Variants in MED12L observed in about 807,000 individuals in gnomAD.
MED12L encodes the protein mediator complex subunit 12L.
A neutral mutation model predicts 281.3 loss-of-function variants in MED12L; 60 were observed. The observed-to-expected ratio is 0.21, with a 90% CI of 0.17 to 0.26. MED12L has a LOEUF of 0.26. MED12L is among the 10% of genes least tolerant of loss of function. The pLI is 1.00. For missense variants in MED12L, 2,146 were observed against 2,680.9 expected (o/e 0.80, Z 4.41); for synonymous variants, 974 against 987.2 (o/e 0.99, Z 0.25).
Position 151,350,166 on chromosome 3 carries a change from C to A in MED12L, c.2358C>A (p.Ile786=), listed in dbSNP as rs569897717. The A allele has an allele frequency of 3.6e-5, 58 of 1,613,596 alleles. No homozygotes were observed. In the South Asian group the frequency reaches 6.2e-4, roughly 17 times the overall value. ...AGCTGAAGAAGATTACCAAAGATAT[C>A]CTGAAAATTCTAAATAAGAAGAGCA... ...RHQLKKITKD[I]LKILNKKSTT... is the part of the protein sequence containing the mutation. Residue 786 remains isoleucine (I), a synonymous_variant, in exon 17 of 45, where the codon ATC becomes ATA. Coordinates refer to ENST00000687756, the MANE Select transcript of MED12L (RefSeq NM_001393769.1).
chr3:151,418,713 T>A (rs558474046), intron 43 of MED12L, among the ~76,000 whole-genome samples: 1 of 152,326 alleles, frequency 6.6e-6, no homozygotes, highest in African/African-American at 2.4e-5. Context: ...TTATTTTCCC[T>A]TTGCAATTAA....
chr3:151,116,481 G>A (rs746851844), intron 3 of MED12L, 39 bp downstream of exon 3: 5 of 1,268,358 alleles, frequency 3.9e-6, no homozygotes, highest in South Asian at 2.5e-5. Context: ...TCCTGAAAAA[G>A]TGTGTATATG....
At chr3:151,323,836 G>T (rs1415445671) in intron 16 of MED12L, among the ~76,000 whole-genome samples, 1 of 152,232 alleles carries the variant, frequency 6.6e-6, no homozygotes, top group African/African-American at 2.4e-5. Flanking sequence ...CTATTGGGGA[G>T]TTTACTCCCC....
chr3:151,195,853 A>G (rs1416961219), intron 16 of MED12L, among the ~76,000 whole-genome samples: 1 of 152,248 alleles, frequency 6.6e-6, no homozygotes, highest in Non-Finnish European at 1.5e-5. Flanking sequence ...CTATTTTGCA[A>G]CTTCTCTGTA....
intron 16 of MED12L, among the ~76,000 whole-genome samples, chr3:151,300,530 G>A (rs1387646261): frequency 6.6e-6 from 1 of 152,154 alleles, no homozygotes; most frequent in African/African-American, 2.4e-5. Context: ...AGCTGGGTCT[G>A]TTCCCTGTTC....
At chr3:151,238,771 C>A (rs1011264332) in intron 16 of MED12L, among the ~76,000 whole-genome samples, 1 of 152,106 alleles carries the variant, frequency 6.6e-6, no homozygotes, top group Non-Finnish European at 1.5e-5. Flanking sequence ...ATAAAAATAT[C>A]TTTTTAATAT....
At chr3:151,375,420 T>C (rs1189324423) in intron 27 of MED12L, among the ~76,000 whole-genome samples, 2 of 152,158 alleles carry the variant, frequency 1.3e-5, no homozygotes, top group African/African-American at 2.4e-5. Context: ...TTTAAATTGG[T>C]AGAAACTCTT....
intron 38 of MED12L, among the ~76,000 whole-genome samples, chr3:151,392,145 C>T (rs1714315883): frequency 6.6e-6 from 1 of 152,008 alleles, no homozygotes; most frequent in Admixed American, 6.5e-5. Context: ...AACTGAGGAA[C>T]TTTAGGTGTG....
In MED12L at chr3:151,436,601, A is replaced by ATTCAT; in HGVS notation, c.*3800_*3804dup. On this transcript the variant is annotated 3_prime_UTR_variant, in exon 45 of 45. Transcript: ENST00000687756. ...AATTTAATACTGTAAATGTATTCAA[A>ATTCAT]TTCATTTACATGCCTATGGCTGCCT... The ATTCAT allele has an allele frequency of 1.1e-6, 1 of 891,394 alleles. No individual in the cohort carries two copies. Among genetic ancestry groups the ATTCAT allele is most frequent in the Non-Finnish European group, 1.7e-6 (1 of 572,906 alleles). 55.2% of individuals were successfully genotyped at this position (891,394 alleles called of 1,614,324 possible).
chr3:151,328,713 C>A (rs1749988571), intron 16 of MED12L: 2 of 1,613,868 alleles, frequency 1.2e-6, no homozygotes, highest in Admixed American at 1.7e-5. Flanking sequence ...AAACGACACA[C>A]AAAAGCTCTG....
chr3:151,120,083 G>C (rs1713517376), intron 3 of MED12L, among the ~76,000 whole-genome samples: 1 of 151,296 alleles, frequency 6.6e-6, no homozygotes, highest in African/African-American at 2.4e-5. Context: ...AAATTAGCTG[G>C]GTGTGGTGGT....
At chr3:151,254,054 G>GT (rs1233266312) in intron 16 of MED12L, among the ~76,000 whole-genome samples, 1 of 122,096 alleles carries the variant, frequency 8.2e-6, no homozygotes, top group Non-Finnish European at 1.7e-5. Flanking sequence ...ATGCATTTGT[G>GT]TACTTTAAGA....
intron 16 of MED12L, among the ~76,000 whole-genome samples, chr3:151,339,159 A>G (rs1751453520): frequency 6.6e-6 from 1 of 152,086 alleles, no homozygotes; most frequent in African/African-American, 2.4e-5. Flanking sequence ...GCTCACTCAT[A>G]TTTATATGCA....
At chr3:151,343,874 T>C (rs918940371) in intron 16 of MED12L, among the ~76,000 whole-genome samples, 1 of 152,196 alleles carries the variant, frequency 6.6e-6, no homozygotes, top group African/African-American at 2.4e-5. Context: ...GATAGAGATA[T>C]AATTATGACA....
intron 16 of MED12L, among the ~76,000 whole-genome samples, chr3:151,230,464 A>G (rs992170207): frequency 6.6e-5 from 10 of 152,184 alleles, no homozygotes; most frequent in African/African-American, 2.4e-4. Flanking sequence ...ATGTAAAAAA[A>G]TTCTGATAAA....
chr3:151,420,826 G>A (rs561250374), intron 43 of MED12L, among the ~76,000 whole-genome samples: 32 of 152,310 alleles, frequency 2.1e-4, no homozygotes, highest in African/African-American at 6.5e-4. Context: ...TGGTGGATAA[G>A]GCATTCTGTG....
intron 4 of MED12L, among the ~76,000 whole-genome samples, chr3:151,127,360 G>A (rs1431617695): frequency 2.0e-5 from 3 of 152,076 alleles, no homozygotes; most frequent in Non-Finnish European, 4.4e-5. Context: ...TTACTCTTAT[G>A]AAATTTTAAT....
At chr3:151,346,202 G>A (rs945954324) in intron 16 of MED12L, among the ~76,000 whole-genome samples, 47 of 152,082 alleles carry the variant, frequency 3.1e-4, no homozygotes, top group African/African-American at 1.1e-3. Flanking sequence ...TGGTCAAGTA[G>A]AAAGATGTTC....
At chr3:151,262,351 C>G (rs1739066955) in intron 16 of MED12L, among the ~76,000 whole-genome samples, 5 of 152,118 alleles carry the variant, frequency 3.3e-5, no homozygotes, top group Non-Finnish European at 7.3e-5. Flanking sequence ...TGTGGTTTGC[C>G]CCCAACTTTT....
Sources: gnomAD v4.1 joint callset for allele counts (sites outside exome capture counted in the v4.1 genomes callset) on GRCh38, gnomAD v4.1.1 for gene constraint, MANE v1.5 for transcripts, NCBI Gene and HGNC (gene_info 2026-07-23, HGNC 2026-07-21) for gene names.